UGT2A1: variants seen among roughly 807,000 people sequenced by gnomAD.
UGT2A1 encodes UDP glucuronosyltransferase family 2 member A1 complex locus, also known as UDP-glucuronosyltransferase 2A1.
UGT2A1 carries 61 observed loss-of-function variants against 45.4 expected under a neutral mutation model. The observed-to-expected ratio is 1.34, with a 90% CI of 1.09 to 1.66. The LOEUF is 1.66. Ranked by LOEUF, UGT2A1 falls within the 40% of genes most tolerant of loss-of-function variation. UGT2A1 has a pLI of 0.00. For missense variants in UGT2A1, 649 were observed against 574.3 expected (o/e 1.13, Z -1.33); for synonymous variants, 229 against 196.2 (o/e 1.17, Z -1.40).
chr4:69,614,004 G>A (rs1299303258), intron 3 of UGT2A1, among the ~76,000 whole-genome samples: 1 of 151,896 alleles, frequency 6.6e-6, no homozygotes, highest in African/African-American at 2.4e-5. Context: ...AAGAAGTAAA[G>A]GGCATTCAAA....
intron 3 of UGT2A1, among the ~76,000 whole-genome samples, chr4:69,628,242 A>T (rs1397100604): frequency 6.6e-6 from 1 of 151,354 alleles, no homozygotes; most frequent in African/African-American, 2.4e-5. Context: ...GCATTTTTTT[A>T]AAGAAATAGA....
Position 69,635,840 on chromosome 4 carries a change from A to G in UGT2A1, c.716-18T>C, listed in dbSNP as rs1306595805. On this transcript the variant is annotated intron_variant, in intron 2 of 6. Coordinates refer to ENST00000286604, the MANE Select transcript of UGT2A1 (RefSeq NM_001252275.3). ...GAGTCCACCTCACCAAAAAAAAAAAAAAAAAAAAAAGAGAGAGAGAGAGAG... is the reference window on the plus strand; with the variant it reads ...GAGTCCACCTCACCAAAAAAAAAAAGAAAAAAAAAAGAGAGAGAGAGAGAG... The G allele has an allele frequency of 6.8e-6, 1 of 146,456 alleles. No individual in the cohort carries two copies. The highest frequency in any genetic ancestry group is 2.6e-5 in the African/African-American group (1 of 38,166). 9.1% of individuals were successfully genotyped at this position (146,456 alleles called of 1,614,324 possible). A position where few individuals can be genotyped will look rare whatever the true frequency, so the allele number is the denominator to read the frequency against.
chr4:69,607,014 A>G lies in UGT2A1; in HGVS notation c.848-7620T>C, dbSNP rs1241513158. 3.7e-5 allele frequency among the ~76,000 whole-genome samples: 5 copies of G among 136,300 alleles called. 2 individuals carry two copies. The East Asian group carries it at 1.0e-3, about 28-fold the overall frequency. 89.4% of individuals were successfully genotyped at this position (136,300 alleles called of 152,430 possible). A position where few individuals can be genotyped will look rare whatever the true frequency, so the allele number is the denominator to read the frequency against. On this transcript the variant is annotated intron_variant, in intron 3 of 6. Transcript: ENST00000286604. ...CTGCCCAAGGTCATTTATAGATTCA[A>G]TGCCATCCCCATCAAACTACCAATG...
At chr4:69,641,870 G>C (rs1160284223) in intron 2 of UGT2A1, among the ~76,000 whole-genome samples, 2 of 151,690 alleles carry the variant, frequency 1.3e-5, no homozygotes, top group African/African-American at 4.8e-5. Context: ...ATAAGTAATA[G>C]CTAGCTATGA....
rs186385137 is a variant in UGT2A1 at position 69,598,227 on chromosome 4, A to G, written c.996+1019T>C. On this transcript the variant is annotated intron_variant, in intron 4 of 6. Transcript: ENST00000286604. Reference sequence around the variant, plus strand: ...TCCTGAAATAAAATTTTAAACTTAAATATGTCTGTTACTATAAACAGAAAT... The same window carrying G: ...TCCTGAAATAAAATTTTAAACTTAAGTATGTCTGTTACTATAAACAGAAAT... Among the ~76,000 whole-genome samples the G allele has an allele frequency of 1.7e-4, 26 of 152,298 alleles. 1 individual carries two copies. Among genetic ancestry groups the G allele is most frequent in the Admixed American group, 1.6e-3 (25 of 15,298 alleles).
At chr4:69,608,931 T>C (rs1349551361) in intron 3 of UGT2A1, among the ~76,000 whole-genome samples, 6 of 152,226 alleles carry the variant, frequency 3.9e-5, no homozygotes, top group Non-Finnish European at 5.9e-5. Flanking sequence ...ATAGCTTCTA[T>C]TAAGACAGCA....
chr4:69,624,071 G>C (rs1408424473), intron 3 of UGT2A1, among the ~76,000 whole-genome samples: 2 of 151,482 alleles, frequency 1.3e-5, no homozygotes, highest in African/African-American at 4.8e-5. Context: ...ATCAATTACT[G>C]AGAGAGGACC....
At position 69,594,693 on chromosome 4, in the gene UGT2A1, T is replaced by C; in HGVS notation, c.1088A>G (p.His363Arg). The change falls in exon 6 of 7, where the codon CAT (histidine) becomes CGT (arginine). Residue 363 changes from histidine (H) to arginine (R), a missense_variant. Coordinates refer to ENST00000286604, the MANE Select transcript of UGT2A1 (RefSeq NM_001252275.3). ...DWIPQNDLLG[H>R]PKTKAFITHG... ...AGTGATAAAAGCTTTGGTTTTGGGA[T>C]GTCCTAATTTGAGGATGGAGTGAGA... 1 of 1,612,796 alleles carries C rather than the reference T, an allele frequency of 6.2e-7. No homozygotes were observed. Among genetic ancestry groups the C allele is most frequent in the South Asian group, 1.1e-5 (1 of 90,952 alleles).
intron 6 of UGT2A1, among the ~76,000 whole-genome samples, chr4:69,590,476 C>T (rs1434860671): frequency 6.6e-6 from 1 of 152,172 alleles, no homozygotes; most frequent in South Asian, 2.1e-4. Flanking sequence ...AAGAAAAGTT[C>T]CAGCCTGGAT....
intron 3 of UGT2A1, among the ~76,000 whole-genome samples, chr4:69,601,075 G>C (rs893129457): frequency 6.6e-6 from 1 of 152,158 alleles, no homozygotes; most frequent in African/African-American, 2.4e-5. Flanking sequence ...CCTGATGCTA[G>C]TGGAATACTG....
At chr4:69,630,362 A>G (rs568141419) in intron 3 of UGT2A1, among the ~76,000 whole-genome samples, 62 of 152,068 alleles carry the variant, frequency 4.1e-4, no homozygotes, top group African/African-American at 1.5e-3. Flanking sequence ...ATAACTCCCC[A>G]TTCCCACCTC....
chr4:69,649,184 C>T (rs1722411436), intron 1 of UGT2A1, among the ~76,000 whole-genome samples: 1 of 152,024 alleles, frequency 6.6e-6, no homozygotes, highest in South Asian at 2.1e-4. Context: ...CTAAGCTCTC[C>T]CATCACCAAA....
At chr4:69,648,634 C>T (rs932221376) in intron 1 of UGT2A1, among the ~76,000 whole-genome samples, 1 of 151,882 alleles carries the variant, frequency 6.6e-6, no homozygotes. Flanking sequence ...GAAAAAGAAA[C>T]CACTGCCCAA....
intron 3 of UGT2A1, among the ~76,000 whole-genome samples, chr4:69,633,228 C>A (rs1721483663): frequency 6.6e-6 from 1 of 152,124 alleles, no homozygotes; most frequent in Admixed American, 6.5e-5. Context: ...ACACTTTATG[C>A]ACTTTTTATC....
intron 3 of UGT2A1, among the ~76,000 whole-genome samples, chr4:69,615,942 G>C (rs1185920663): frequency 6.6e-6 from 1 of 151,996 alleles, no homozygotes; most frequent in African/African-American, 2.4e-5. Flanking sequence ...GTATATCAAA[G>C]AAATATCTGT....
chr4:69,594,533 G>A lies in UGT2A1; in HGVS notation c.1248C>T (p.Asn416=). The A allele has an allele frequency of 6.2e-7, 1 of 1,614,168 alleles. No individual in the cohort carries two copies. The highest frequency in any genetic ancestry group is 8.5e-7 in the Non-Finnish European group (1 of 1,180,014). Residue 416 remains asparagine, a synonymous_variant, in exon 6 of 7, where the codon AAC becomes AAT. Transcript: ENST00000286604. The stretch of plus-strand genomic sequence containing the variant: ...TAAGCAAATCCACACTTGTCATTGT[G>A]TTTAGGTTCACTTCCACAGCTGCTC... ...AKGAAVEVNL[N]TMTSVDLLSA...
At chr4:69,645,590 A>G (rs1408510422) in intron 2 of UGT2A1, among the ~76,000 whole-genome samples, 1 of 151,694 alleles carries the variant, frequency 6.6e-6, no homozygotes, top group Non-Finnish European at 1.5e-5. Flanking sequence ...CTCCTACCAC[A>G]TCTTTCCTAG....
At chr4:69,640,993 A>G (rs1157316470) in intron 2 of UGT2A1, among the ~76,000 whole-genome samples, 1 of 151,952 alleles carries the variant, frequency 6.6e-6, no homozygotes, top group Non-Finnish European at 1.5e-5. Context: ...AACATTATAG[A>G]AAACATGAAC....
chr4:69,611,956 A>G (rs576670218), intron 3 of UGT2A1, among the ~76,000 whole-genome samples: 51 of 152,262 alleles, frequency 3.3e-4, no homozygotes, highest in African/African-American at 1.2e-3. Context: ...ATGTATAGCA[A>G]GAAAAATTTC....
Sources: gnomAD v4.1 joint callset for allele counts (sites outside exome capture counted in the v4.1 genomes callset) on GRCh38, gnomAD v4.1.1 for gene constraint, MANE v1.5 for transcripts, NCBI Gene and HGNC (gene_info 2026-07-23, HGNC 2026-07-21) for gene names.